Variants in MRPL50 observed in about 807,000 individuals in gnomAD.
MRPL50 encodes mitochondrial ribosomal protein L50.
MRPL50 carries 10 observed loss-of-function variants against 16.2 expected under a neutral mutation model. The observed-to-expected ratio is 0.62, with a 90% CI of 0.38 to 1.05. MRPL50 has a LOEUF of 1.05. Among genes scored for constraint, MRPL50 ranks in the 50% least tolerant of loss-of-function variants. MRPL50 has a pLI of 0.01. For synonymous variants in MRPL50, 68 were observed against 66.8 expected, an observed-to-expected ratio of 1.02 and a Z score of -0.09; for missense variants, 213 against 187.1, an observed-to-expected ratio of 1.14 and a Z score of -0.81.
In MRPL50 at chr9:101,388,756, G is replaced by A. The variant is rs1347578430; in HGVS notation, c.*1710C>T. On this transcript the variant is annotated 3_prime_UTR_variant, in exon 2 of 2. Transcript: ENST00000374865. ...CCAAGACTGTGTGTTCCCCATCTGT[G>A]GATTCAACCAATTGTGGATCAAAAA... is the stretch of plus-strand genomic sequence containing the variant. The A allele has an allele frequency of 6.6e-6, 1 of 151,980 alleles. No homozygotes were observed. The highest frequency in any genetic ancestry group is 2.4e-5 in the African/African-American group (1 of 41,388). The allele number at this position is 151,980 out of a possible 1,614,324, so 9.4% of individuals were successfully genotyped here. A position where few individuals can be genotyped will look rare whatever the true frequency, so the allele number is the denominator to read the frequency against.
intron 1 of MRPL50, 87 bp from the exon 2 acceptor site, chr9:101,390,937 A>C: frequency 5.8e-6 from 8 of 1,373,736 alleles, no homozygotes; most frequent in Non-Finnish European, 7.9e-6. Context: ...AAAATCAACA[A>C]TGGCATGCTG....
chr9:101,392,753 C>T (rs553506118), intron 1 of MRPL50, among the ~76,000 whole-genome samples: 1 of 152,078 alleles, frequency 6.6e-6, no homozygotes, highest in East Asian at 1.9e-4. Context: ...TATTCCAAAA[C>T]ACTGAAGAGG....
chr9:101,393,185 G>C (rs1184429452), intron 1 of MRPL50, among the ~76,000 whole-genome samples: 1 of 151,964 alleles, frequency 6.6e-6, no homozygotes. Flanking sequence ...CAATAAACTG[G>C]ATACTGAAGG....
At chr9:101,398,477 C>T in intron 1 of MRPL50, 24 bp downstream of exon 1, 1 of 1,599,026 alleles carries the variant, frequency 6.3e-7, no homozygotes, top group Admixed American at 1.7e-5. Context: ...TGAACATGAC[C>T]CACCGTCCAC....
Position 101,398,596 on chromosome 9 carries a change from C to T in MRPL50, c.-4G>A. 6.2e-7 allele frequency: 1 copy of T among 1,613,350 alleles called. No homozygotes were observed. The highest frequency in any genetic ancestry group is 8.5e-7 in the Non-Finnish European group (1 of 1,180,000). On this transcript the variant is annotated 5_prime_UTR_variant, in exon 1 of 2. Coordinates refer to ENST00000374865, the MANE Select transcript of MRPL50 (RefSeq NM_019051.3). Reference sequence around the variant, plus strand: ...CCGACACAGATCGCGCCGCCATCTTCGATGAGATCCACGGGCCTGAGCGCA... The same window carrying T: ...CCGACACAGATCGCGCCGCCATCTTTGATGAGATCCACGGGCCTGAGCGCA...
intron 1 of MRPL50, among the ~76,000 whole-genome samples, chr9:101,397,653 G>A (rs1217913777): frequency 1.3e-5 from 2 of 152,278 alleles, no homozygotes; most frequent in African/African-American, 2.4e-5. Flanking sequence ...ACTTGGAAGA[G>A]ATTTGAGAGA....
At chr9:101,397,944 T>G (rs147369400) in intron 1 of MRPL50, among the ~76,000 whole-genome samples, 2 of 152,356 alleles carry the variant, frequency 1.3e-5, no homozygotes, top group African/African-American at 4.8e-5. Context: ...GCTTTGTGAC[T>G]TTGGGAAAAT....
In MRPL50 at chr9:101,389,869, G is replaced by T; in HGVS notation, c.*597C>A. 2.9e-6 allele frequency: 1 copy of T among 348,378 alleles called. No homozygotes were observed. The allele number at this position is 348,378 out of a possible 1,614,324, so 21.6% of individuals were successfully genotyped here. On this transcript the variant is annotated 3_prime_UTR_variant, in exon 2 of 2. Coordinates refer to ENST00000374865, the MANE Select transcript of MRPL50 (RefSeq NM_019051.3). ...GGAAGAGTCACAGCACTCAATATTT[G>T]GCATATATTCTAATTTTTTCAAAAT...
chr9:101,390,286 T>C lies in MRPL50; in HGVS notation c.*180A>G, dbSNP rs756293250. 3 of 1,304,166 alleles carry C rather than the reference T, an allele frequency of 2.3e-6. No homozygotes were observed. The highest frequency in any genetic ancestry group is 2.9e-6 in the Non-Finnish European group (3 of 1,027,388). The allele number at this position is 1,304,166 out of a possible 1,614,324, so 80.8% of individuals were successfully genotyped here. A position where few individuals can be genotyped will look rare whatever the true frequency, so the allele number is the denominator to read the frequency against. On this transcript the variant is annotated 3_prime_UTR_variant, in exon 2 of 2. Transcript: ENST00000374865. ...TTTCAGCAAATATGAAAATAGAAAGTCCGTTATTTGTCCATTTGTAATATG... is the reference window on the plus strand; with the variant it reads ...TTTCAGCAAATATGAAAATAGAAAGCCCGTTATTTGTCCATTTGTAATATG...
At chr9:101,396,303 G>T (rs190587547) in intron 1 of MRPL50, among the ~76,000 whole-genome samples, 1 of 151,906 alleles carries the variant, frequency 6.6e-6, no homozygotes, top group Non-Finnish European at 1.5e-5. Flanking sequence ...CTTACTACTC[G>T]GTATATATCC....
chr9:101,393,473 G>T (rs1459379515), intron 1 of MRPL50, among the ~76,000 whole-genome samples: 1 of 151,892 alleles, frequency 6.6e-6, no homozygotes, highest in Non-Finnish European at 1.5e-5. Context: ...TAAGATATAT[G>T]ATCTTATGTA....
chr9:101,390,540 G>C lies in MRPL50; in HGVS notation c.403C>G (p.Gln135Glu). Residue 135 changes from glutamine (Q) to glutamate (E), a missense_variant, in exon 2 of 2, where the codon CAA becomes GAA. Transcript: ENST00000374865. ...DVLDFYNVPIQDRSKFDELSA... is the reference protein window; with the variant it reads ...DVLDFYNVPIEDRSKFDELSA... ...AGTTCATCAAATTTAGATCTATCTT[G>C]AATAGGGACATTATAGAAATCAAGA... 6.2e-7 allele frequency: 1 copy of C among 1,613,320 alleles called. No homozygotes were observed. The highest frequency in any genetic ancestry group is 8.5e-7 in the Non-Finnish European group (1 of 1,179,458).
At chr9:101,392,410 AAAAC>A (rs1830285399) in intron 1 of MRPL50, among the ~76,000 whole-genome samples, 1 of 151,998 alleles carries the variant, frequency 6.6e-6, no homozygotes, top group South Asian at 2.1e-4. Context: ...TAGACTAAAA[AAAAC>A]AGAGAAGACA....
chr9:101,397,029 A>G (rs1441243304), intron 1 of MRPL50, among the ~76,000 whole-genome samples: 6 of 152,190 alleles, frequency 3.9e-5, no homozygotes, highest in Admixed American at 2.0e-4. Context: ...GACGTTGGAC[A>G]AAGGTAAAAT....
Position 101,389,363 on chromosome 9 carries a change from G to C in MRPL50, c.*1103C>G. ...AGCTCCAGGCACTCTGACACCTGAA[G>C]TTCTTGAATGAAGTGCCTGTGGATG... is the stretch of plus-strand genomic sequence containing the variant. On this transcript the variant is annotated 3_prime_UTR_variant, in exon 2 of 2. Transcript: ENST00000374865. 1.1e-6 allele frequency: 1 copy of C among 884,688 alleles called. No individual in the cohort carries two copies. The highest frequency in any genetic ancestry group is 1.6e-6 in the Non-Finnish European group (1 of 641,268). The allele number at this position is 884,688 out of a possible 1,614,324, so 54.8% of individuals were successfully genotyped here. A position where few individuals can be genotyped will look rare whatever the true frequency, so the allele number is the denominator to read the frequency against.
intron 1 of MRPL50, among the ~76,000 whole-genome samples, 174 bp downstream of exon 1, chr9:101,398,327 G>T (rs934601792): frequency 3.9e-5 from 6 of 152,282 alleles, no homozygotes; most frequent in Middle Eastern, 3.4e-3. Flanking sequence ...GAGTGGAAGA[G>T]ACTGGGTCCC....
At chr9:101,397,007 C>T (rs778277575) in intron 1 of MRPL50, among the ~76,000 whole-genome samples, 7 of 151,792 alleles carry the variant, frequency 4.6e-5, no homozygotes, top group Admixed American at 2.6e-4. Flanking sequence ...CCAGGGGTGG[C>T]GGAAATGAAG....
intron 1 of MRPL50, among the ~76,000 whole-genome samples, chr9:101,395,394 GA>G (rs1408872767): frequency 6.6e-6 from 1 of 152,140 alleles, no homozygotes; most frequent in Non-Finnish European, 1.5e-5. Flanking sequence ...ATTACCATAT[GA>G]TCTGGCAATC....
In MRPL50 at chr9:101,390,367, C is replaced by A; in HGVS notation, c.*99G>T. The A allele has an allele frequency of 2.0e-6, 3 of 1,512,880 alleles. No individual in the cohort carries two copies. Among genetic ancestry groups the A allele is most frequent in the Non-Finnish European group, 2.6e-6 (3 of 1,133,992 alleles). The allele number at this position is 1,512,880 out of a possible 1,614,324, so 93.7% of individuals were successfully genotyped here. A position where few individuals can be genotyped will look rare whatever the true frequency, so the allele number is the denominator to read the frequency against. ...GAAAAAGTGGGTTTAGAGAACAGTT[C>A]TGGTAGTATTTCACATGGTAAAGTA... On this transcript the variant is annotated 3_prime_UTR_variant, in exon 2 of 2. Transcript: ENST00000374865.
Sources: allele counts gnomAD v4.1 joint callset (sites outside exome capture counted in the v4.1 genomes callset), GRCh38; gene constraint gnomAD v4.1.1; transcripts MANE v1.5; gene names NCBI Gene and HGNC (gene_info 2026-07-23, HGNC 2026-07-21).